Variants in NEXN observed in about 807,000 individuals in gnomAD.
The protein encoded by NEXN is nexilin.
NEXN carries 65 observed loss-of-function variants against 92.6 expected under a neutral mutation model. That is an observed-to-expected ratio of 0.70 (90% CI 0.57 to 0.86). The LOEUF is 0.86. Among genes scored for constraint, NEXN ranks in the 40% least tolerant of loss-of-function variants. NEXN has a pLI of 0.00. For synonymous variants in NEXN, 254 were observed against 242.5 expected, an observed-to-expected ratio of 1.05 and a Z score of -0.44; for missense variants, 778 against 771.1, an observed-to-expected ratio of 1.01 and a Z score of -0.11.
intron 5 of NEXN, among the ~76,000 whole-genome samples, chr1:77,921,983 G>A (rs1056279922): frequency 2.4e-4 from 37 of 151,906 alleles, no homozygotes; most frequent in Non-Finnish European, 4.9e-4. Flanking sequence ...GCCCAGGCTC[G>A]TCTCAAAATC....
At chr1:77,922,791 T>C (rs1217176365) in intron 5 of NEXN, among the ~76,000 whole-genome samples, 3 of 151,284 alleles carry the variant, frequency 2.0e-5, no homozygotes, top group Non-Finnish European at 4.4e-5. Context: ...GAGGCGGGGT[T>C]TCACCATGTT....
intron 1 of NEXN, among the ~76,000 whole-genome samples, chr1:77,899,346 A>G (rs562676336): frequency 1.3e-5 from 2 of 152,142 alleles, no homozygotes; most frequent in East Asian, 1.9e-4. Context: ...TGATGAGTTC[A>G]TGTCCTTTGT....
intron 12 of NEXN, 91 bp downstream of exon 12, chr1:77,942,299 GT>G: frequency 1.4e-6 from 2 of 1,459,960 alleles, no homozygotes; most frequent in Non-Finnish European, 1.9e-6. Flanking sequence ...TGTTTTAATG[GT>G]TTTCTTTCAA....
Position 77,926,701 on chromosome 1 carries a change from A to G in NEXN, c.688-15A>G, listed in dbSNP as rs1202906393. The G allele has an allele frequency of 2.5e-6, 4 of 1,613,820 alleles. No individual in the cohort carries two copies. The highest frequency in any genetic ancestry group is 2.2e-5 in the South Asian group (2 of 91,022). On this transcript the variant is annotated splice_polypyrimidine_tract_variant and intron_variant, in intron 7 of 12. Coordinates refer to ENST00000334785, the MANE Select transcript of NEXN (RefSeq NM_144573.4). ...CTTTATGACTAAAAGGTGGGTTTTC[A>G]TAACGTTTTCTTAGGATGATGAAAT...
At chr1:77,901,850 T>C (rs777614821) in intron 1 of NEXN, among the ~76,000 whole-genome samples, 50 of 152,346 alleles carry the variant, frequency 3.3e-4, no homozygotes, top group Non-Finnish European at 5.0e-4. Context: ...ACGATCTTTC[T>C]ACCTCAGTCC....
rs932787086 is a variant in NEXN at position 77,905,133 on chromosome 1, G to A, written c.-52-10922G>A. Among the ~76,000 whole-genome samples the A allele has an allele frequency of 5.3e-5, 8 of 151,928 alleles. No homozygotes were observed. In the East Asian group the frequency reaches 1.4e-3, roughly 26 times the overall value. ...AAAAATTAGCTGGGTGTGGTGGTGC[G>A]TGCTTGTAGTCCTAGCTACTCAGGA... is the stretch of plus-strand genomic sequence containing the variant. On this transcript the variant is annotated intron_variant, in intron 1 of 12. Transcript: ENST00000334785.
chr1:77,943,061 C>T lies in NEXN; in HGVS notation c.*232C>T. 1.9e-6 allele frequency: 1 copy of T among 531,694 alleles called. No homozygotes were observed. The highest frequency in any genetic ancestry group is 3.5e-6 in the Non-Finnish European group (1 of 287,414). 32.9% of individuals were successfully genotyped at this position (531,694 alleles called of 1,614,324 possible). A position where few individuals can be genotyped will look rare whatever the true frequency, so the allele number is the denominator to read the frequency against. ...TCATAACAGTCTTCAAAGCACAGCT[C>T]ATCTAAAGAATGCCTACTTCTTTTC... On this transcript the variant is annotated 3_prime_UTR_variant, in exon 13 of 13. Coordinates refer to ENST00000334785, the MANE Select transcript of NEXN (RefSeq NM_144573.4).
At chr1:77,907,214 G>T (rs1320560520) in intron 1 of NEXN, among the ~76,000 whole-genome samples, 1 of 152,208 alleles carries the variant, frequency 6.6e-6, no homozygotes, top group Admixed American at 6.5e-5. Flanking sequence ...AGGCCAAACA[G>T]AGTCAAATTC....
At chr1:77,933,807 C>T (rs1650508776) in intron 10 of NEXN, among the ~76,000 whole-genome samples, 2 of 152,096 alleles carry the variant, frequency 1.3e-5, no homozygotes. Context: ...CATGGGCATG[C>T]ACCTTGTGCA....
rs768486390 is a variant in NEXN, at chr1:77,926,618, TTTTG to T, written c.687+19_687+22del. The stretch of plus-strand genomic sequence containing the variant: ...GTGTCTTTCATTAGTTATGGTAAAT[TTTTG>T]TTTGTTTGTTTTCTAAGAAACAAAT... On this transcript the variant is annotated splice_region_variant and intron_variant, in intron 7 of 12. Coordinates refer to ENST00000334785, the MANE Select transcript of NEXN (RefSeq NM_144573.4). 118 of 1,613,762 alleles carry T rather than the reference TTTTG, an allele frequency of 7.3e-5. No homozygotes were observed. The African/African-American group carries it at 9.8e-4, about 13-fold the overall frequency.
chr1:77,896,170 C>CAATAAATAAATAAATAAATAAATA lies in NEXN; in HGVS notation c.-53+7417_-53+7440dup, dbSNP rs60137071. ...TGGGTGACACAGTGAGACTTTGTCT[C>CAATAAATAAATAAATAAATAAATA]AATAAATAAATAAATAAATAAATAA... On this transcript the variant is annotated intron_variant, in intron 1 of 12. Transcript: ENST00000334785. 3.7e-3 allele frequency among the ~76,000 whole-genome samples: 530 copies of CAATAAATAAATAAATAAATAAATA among 144,332 alleles called. 3 individuals carry two copies. The highest frequency in any genetic ancestry group is 0.031 in the East Asian group (152 of 4,916). 94.7% of individuals were successfully genotyped at this position (144,332 alleles called of 152,430 possible).
intron 11 of NEXN, among the ~76,000 whole-genome samples, chr1:77,937,988 G>T (rs1379435906): frequency 6.6e-6 from 1 of 152,226 alleles, no homozygotes; most frequent in East Asian, 1.9e-4. Context: ...GAAAGGACAG[G>T]TAAGTATGCA....
At chr1:77,942,294 T>C in intron 12 of NEXN, 86 bp downstream of exon 12, 1 of 1,475,182 alleles carries the variant, frequency 6.8e-7, no homozygotes, top group Non-Finnish European at 9.4e-7. Context: ...AAAAATGTTT[T>C]AATGGTTTTC....
chr1:77,938,725 G>T (rs1268463933), intron 11 of NEXN, among the ~76,000 whole-genome samples: 1 of 127,024 alleles, frequency 7.9e-6, no homozygotes, highest in Non-Finnish European at 1.7e-5. Flanking sequence ...ACAGGGCCAA[G>T]AAGGTGACAT....
intron 1 of NEXN, among the ~76,000 whole-genome samples, chr1:77,915,258 A>G (rs1401817161): frequency 6.6e-6 from 1 of 152,006 alleles, no homozygotes; most frequent in Non-Finnish European, 1.5e-5. Flanking sequence ...GGGTACAGTG[A>G]ACTGTCATTG....
At chr1:77,934,014 T>TTTTTTTAA (rs1437959576) in intron 10 of NEXN, among the ~76,000 whole-genome samples, 1 of 140,594 alleles carries the variant, frequency 7.1e-6, no homozygotes, top group South Asian at 2.3e-4. Flanking sequence ...ATTTTTAATT[T>TTTTTTTAA]TTTTTTTTTT....
chr1:77,917,292 G>C (rs999879608), intron 2 of NEXN, among the ~76,000 whole-genome samples: 13 of 151,988 alleles, frequency 8.6e-5, no homozygotes, highest in Non-Finnish European at 1.5e-4. Context: ...TATTTTACTG[G>C]CTTTCAGCTT....
At chr1:77,897,227 T>C (rs1408226308) in intron 1 of NEXN, among the ~76,000 whole-genome samples, 1 of 152,194 alleles carries the variant, frequency 6.6e-6, no homozygotes, top group Non-Finnish European at 1.5e-5. Flanking sequence ...TTTAGACCAA[T>C]ATCCTTGATG....
At chr1:77,937,710 T>A (rs1650891594) in intron 11 of NEXN, among the ~76,000 whole-genome samples, 1 of 151,822 alleles carries the variant, frequency 6.6e-6, no homozygotes, top group South Asian at 2.1e-4. Context: ...AAATAAAAAA[T>A]AAAAAAAATT....
Sources: gnomAD v4.1 joint callset for allele counts (sites outside exome capture counted in the v4.1 genomes callset) on GRCh38, gnomAD v4.1.1 for gene constraint, MANE v1.5 for transcripts, NCBI Gene and HGNC (gene_info 2026-07-23, HGNC 2026-07-21) for gene names.